Variants in TMEM117 observed in about 807,000 individuals in gnomAD.
TMEM117 encodes transmembrane protein 117.
In TMEM117, 27 loss-of-function variants were observed where a neutral mutation model predicts 52.4. That is an observed-to-expected ratio of 0.51 (90% CI 0.38 to 0.71). TMEM117 has a LOEUF of 0.71. TMEM117 is among the 30% of genes least tolerant of loss of function. The probability of loss-of-function intolerance (pLI) is 0.00; values close to 1 mark genes in which losing one functional copy is unlikely to be tolerated. For synonymous variants in TMEM117, 215 were observed against 206.3 expected (o/e 1.04, Z -0.36); for missense variants, 556 against 630.5 (o/e 0.88, Z 1.26).
intron 4 of TMEM117, among the ~76,000 whole-genome samples, chr12:44,205,049 T>G (rs1450723122): frequency 6.6e-6 from 1 of 152,150 alleles, no homozygotes; most frequent in Admixed American, 6.5e-5. Context: ...AAAATGGACA[T>G]GTGGGACATA....
At chr12:43,876,799 T>C (rs1050713878) in intron 2 of TMEM117, among the ~76,000 whole-genome samples, 19 of 152,246 alleles carry the variant, frequency 1.2e-4, no homozygotes, top group Admixed American at 7.8e-4. Flanking sequence ...ACAAGACCTA[T>C]GAAGTAAATA....
chr12:43,876,895 ATTATT>A (rs1943806673), intron 2 of TMEM117, among the ~76,000 whole-genome samples: 1 of 152,144 alleles, frequency 6.6e-6, no homozygotes, highest in Non-Finnish European at 1.5e-5. Context: ...TCTCTTTTAA[ATTATT>A]TTATGACAGT....
chr12:44,236,332 C>A (rs1192330010), intron 5 of TMEM117, among the ~76,000 whole-genome samples: 1 of 152,006 alleles, frequency 6.6e-6, no homozygotes, highest in Non-Finnish European at 1.5e-5. Context: ...AACATTTTGT[C>A]TCTCCATGCT....
chr12:44,358,086 C>T (rs1565752793), intron 6 of TMEM117, among the ~76,000 whole-genome samples: 1 of 152,030 alleles, frequency 6.6e-6, no homozygotes, highest in Non-Finnish European at 1.5e-5. Flanking sequence ...AACCAAATAC[C>T]ACATGTTGTC....
In TMEM117 at chr12:44,149,576, CTGTT is replaced by C. The variant is rs138845183; in HGVS notation, c.510+5956_510+5959del. ...CACACTTATTTAGGAAAGGAGTTAA[CTGTT>C]TGTGTTATTTTCATTTTATCAAGTT... On this transcript the variant is annotated intron_variant, in intron 4 of 7. Coordinates refer to ENST00000266534, the MANE Select transcript of TMEM117 (RefSeq NM_032256.3). 5.1e-3 allele frequency among the ~76,000 whole-genome samples: 776 copies of C among 152,188 alleles called. 6 individuals are homozygous for C. The highest frequency in any genetic ancestry group is 0.018 in the African/African-American group (733 of 41,528).
At chr12:44,230,099 A>AT (rs956842111) in intron 5 of TMEM117, among the ~76,000 whole-genome samples, 5 of 151,642 alleles carry the variant, frequency 3.3e-5, no homozygotes, top group African/African-American at 7.3e-5. Context: ...TCAGTATGGT[A>AT]TTTTTTTTAC....
At chr12:44,060,989 T>C (rs1407101996) in intron 3 of TMEM117, among the ~76,000 whole-genome samples, 1 of 152,160 alleles carries the variant, frequency 6.6e-6, no homozygotes, top group African/African-American at 2.4e-5. Context: ...CACTGTTTGG[T>C]GGCTTTATGT....
intron 4 of TMEM117, among the ~76,000 whole-genome samples, chr12:44,189,136 T>C (rs1020295652): frequency 2.6e-5 from 4 of 152,174 alleles, no homozygotes; most frequent in African/African-American, 9.6e-5. Context: ...AGTCACCCTA[T>C]TGATCTGTCA....
intron 3 of TMEM117, among the ~76,000 whole-genome samples, chr12:44,052,218 TG>T (rs1340725929): frequency 3.3e-5 from 5 of 152,208 alleles, no homozygotes; most frequent in Admixed American, 2.6e-4. Flanking sequence ...TCAGTACTAT[TG>T]GGCTTGTTCG....
At chr12:44,242,427 A>G (rs913312383) in intron 5 of TMEM117, among the ~76,000 whole-genome samples, 2 of 151,842 alleles carry the variant, frequency 1.3e-5, no homozygotes, top group African/African-American at 2.4e-5. Context: ...GCTAAGGATA[A>G]TGGACTCCAG....
At chr12:44,008,962 T>A in intron 3 of TMEM117, 1 of 374,652 alleles carries the variant, frequency 2.7e-6, no homozygotes. Flanking sequence ...TTGTGTCACA[T>A]TGGTGACGCT....
intron 2 of TMEM117, among the ~76,000 whole-genome samples, chr12:43,852,387 C>T (rs147077254): frequency 6.4e-4 from 98 of 152,088 alleles, no homozygotes; most frequent in East Asian, 6.2e-3. Context: ...GCCGAGATCA[C>T]GCCACTGCAC....
At chr12:44,005,343 C>G (rs908181456) in intron 3 of TMEM117, among the ~76,000 whole-genome samples, 4 of 152,178 alleles carry the variant, frequency 2.6e-5, no homozygotes, top group African/African-American at 9.7e-5. Flanking sequence ...TATATAGAAG[C>G]CTTGGCCAAC....
At chr12:44,042,069 T>A (rs1347536040) in intron 3 of TMEM117, among the ~76,000 whole-genome samples, 2 of 152,314 alleles carry the variant, frequency 1.3e-5, no homozygotes, top group East Asian at 1.9e-4. Flanking sequence ...CTCTTACAGG[T>A]GATATGATTC....
the TMEM117 span, among the ~76,000 whole-genome samples, chr12:43,812,957 G>A: frequency 6.6e-6 from 1 of 151,170 alleles, no homozygotes; most frequent in Non-Finnish European, 1.5e-5. Context: ...AGTGAGCTAC[G>A]ATCATGTGCA....
At chr12:43,926,841 T>C (rs1275594783) in intron 2 of TMEM117, among the ~76,000 whole-genome samples, 2 of 152,112 alleles carry the variant, frequency 1.3e-5, no homozygotes, top group African/African-American at 4.8e-5. Context: ...ATCAGTCTAG[T>C]AAGAGATTTG....
chr12:44,081,977 GA>G (rs1215673586), intron 3 of TMEM117, among the ~76,000 whole-genome samples: 2 of 151,770 alleles, frequency 1.3e-5, no homozygotes, highest in Non-Finnish European at 2.9e-5. Flanking sequence ...AGGTATAACA[GA>G]AAAACTCCCC....
At chr12:44,184,117 G>A (rs913241878) in intron 4 of TMEM117, among the ~76,000 whole-genome samples, 2 of 152,066 alleles carry the variant, frequency 1.3e-5, no homozygotes, top group African/African-American at 2.4e-5. Context: ...AGGCTGAGGC[G>A]GGCGGATCAC....
chr12:44,295,637 T>C (rs375365544), intron 5 of TMEM117, among the ~76,000 whole-genome samples: 3 of 152,254 alleles, frequency 2.0e-5, no homozygotes, highest in East Asian at 1.9e-4. Context: ...TCTTTTGAAT[T>C]TTTCAGTTCT....
Sources: gnomAD v4.1 joint callset for allele counts (sites outside exome capture counted in the v4.1 genomes callset) on GRCh38, gnomAD v4.1.1 for gene constraint, MANE v1.5 for transcripts, NCBI Gene and HGNC (gene_info 2026-07-23, HGNC 2026-07-21) for gene names.